Variants in MEP1B observed in about 807,000 individuals in gnomAD.
The protein encoded by MEP1B is N-benzoyl-L-tyrosyl-P-amino-benzoic acid hydrolase subunit beta.
In MEP1B, 80 loss-of-function variants were observed where a neutral mutation model predicts 84.6. The observed-to-expected ratio is 0.95, with a 90% CI of 0.79 to 1.14. The LOEUF (loss-of-function observed/expected upper bound fraction) is 1.14. Among genes scored for constraint, MEP1B ranks in the 50% most tolerant of loss-of-function variants. The probability of loss-of-function intolerance (pLI) is 0.00; values close to 1 mark genes in which losing one functional copy is unlikely to be tolerated. For synonymous variants in MEP1B, 273 were observed against 288.1 expected (o/e 0.95, Z 0.53); for missense variants, 766 against 855.1 (o/e 0.90, Z 1.30).
At chr18:32,217,660 T>C (rs753328243) in intron 13 of MEP1B, 101 bp from the exon 14 acceptor site, 21 of 948,330 alleles carry the variant, frequency 2.2e-5, no homozygotes, top group Non-Finnish European at 2.8e-5. Flanking sequence ...CAATGACCTA[T>C]TGGTGATCAA....
chr18:32,203,235 A>G (rs1435597926), intron 6 of MEP1B: 4 of 424,608 alleles, frequency 9.4e-6, no homozygotes, highest in Non-Finnish European at 1.3e-5. Flanking sequence ...ATGGGATTGC[A>G]TGCCATCAGA....
chr18:32,196,475 C>T lies in MEP1B; in HGVS notation c.250+990C>T, dbSNP rs963976165. The T allele has an allele frequency of 1.6e-5, 11 of 694,310 alleles. No individual in the cohort carries two copies. The highest frequency in any genetic ancestry group is 8.9e-5 in the South Asian group (6 of 67,438). 43.0% of individuals were successfully genotyped at this position (694,310 alleles called of 1,614,324 possible). A position where few individuals can be genotyped will look rare whatever the true frequency, so the allele number is the denominator to read the frequency against. ...TTCCTTCTGGTGCTGCAGGGCCGAC[C>T]GGAAACTCAGCTTTGCTCTCATAGA... On this transcript the variant is annotated intron_variant, in intron 5 of 14. Transcript: ENST00000269202. The surrounding 1 kb of genome is among the most constrained non-coding windows in gnomAD (Gnocchi z 4.4).
In MEP1B at chr18:32,195,494, G is replaced by C; in HGVS notation, c.250+9G>C. 4 of 1,535,252 alleles carry C rather than the reference G, an allele frequency of 2.6e-6. No individual in the cohort carries two copies. Among genetic ancestry groups the C allele is most frequent in the Non-Finnish European group, 2.7e-6 (3 of 1,111,802 alleles). On this transcript the variant is annotated intron_variant, in intron 5 of 14. Coordinates refer to ENST00000269202, the MANE Select transcript of MEP1B (RefSeq NM_005925.3). ...TCTAGAAGATAGCTTGGGTTAGTATGCACCTTGAAGTATCCATAACTAATG... is the reference window on the plus strand; with the variant it reads ...TCTAGAAGATAGCTTGGGTTAGTATCCACCTTGAAGTATCCATAACTAATG...
At chr18:32,215,917 G>A (rs903547433) in intron 12 of MEP1B, among the ~76,000 whole-genome samples, 11 of 136,680 alleles carry the variant, frequency 8.0e-5, no homozygotes, top group Non-Finnish European at 1.5e-4. Context: ...TAAATGACTG[G>A]AAACGTCTGC....
intron 5 of MEP1B, among the ~76,000 whole-genome samples, chr18:32,200,414 A>G (rs557158248): frequency 6.6e-6 from 1 of 152,180 alleles, no homozygotes; most frequent in African/African-American, 2.4e-5. Flanking sequence ...CAATTATGTG[A>G]TTTTGATTAT....
Position 32,214,647 on chromosome 18 carries a change from A to G in MEP1B, c.1580-435A>G, listed in dbSNP as rs143899570. Among the ~76,000 whole-genome samples, 12 of 152,360 alleles carry G rather than the reference A, an allele frequency of 7.9e-5. No individual in the cohort carries two copies. The East Asian group carries it at 2.3e-3, about 29-fold the overall frequency. Reference sequence around the variant, plus strand: ...AGGTGAATAATTCAGTTAATAAGATAAATCATCCTATGCTGATATTAAAAA... The same window carrying G: ...AGGTGAATAATTCAGTTAATAAGATGAATCATCCTATGCTGATATTAAAAA... On this transcript the variant is annotated intron_variant, in intron 11 of 14. Transcript: ENST00000269202.
rs1336010223 is a variant in MEP1B, at chr18:32,215,251, G to A, written c.1749G>A (p.Leu583=). ...FIKGDDVYIL[L]TVEDISHLNS... ...AAGGAGATGATGTTTATATCCTACT[G>A]ACAGTGGAAGGTATGTCAATAAAAA... The change falls in exon 12 of 15, where the codon CTG becomes CTA. Residue 583 remains leucine (L), a synonymous_variant. Coordinates refer to ENST00000269202, the MANE Select transcript of MEP1B (RefSeq NM_005925.3). 6.3e-7 allele frequency: 1 copy of A among 1,578,290 alleles called. No homozygotes were observed. Among genetic ancestry groups the A allele is most frequent in the Non-Finnish European group, 8.6e-7 (1 of 1,165,204 alleles).
At chr18:32,192,119 C>T (rs912372751) in intron 2 of MEP1B, among the ~76,000 whole-genome samples, 1 of 151,966 alleles carries the variant, frequency 6.6e-6, no homozygotes, top group South Asian at 2.1e-4. Context: ...TATTTTGTGT[C>T]AAATCAGATG....
intron 10 of MEP1B, among the ~76,000 whole-genome samples, 185 bp downstream of exon 10, chr18:32,210,901 T>C (rs2041019919): frequency 6.6e-6 from 1 of 152,226 alleles, no homozygotes; most frequent in South Asian, 2.1e-4. Context: ...GAGTGCTCTG[T>C]TATGTAACAC....
At chr18:32,216,290 T>C (rs527557235) in intron 12 of MEP1B, among the ~76,000 whole-genome samples, 3 of 152,258 alleles carry the variant, frequency 2.0e-5, no homozygotes, top group Admixed American at 2.0e-4. Flanking sequence ...TATTCAGAAA[T>C]AACTTCTGTT....
In MEP1B at chr18:32,217,930, A is replaced by G; in HGVS notation, c.2056A>G (p.Met686Val). ...YCTRKKYRER[M>V]SSNRPNLTPQ... is the part of the protein sequence containing the mutation. ...CACCAGGAAGAAATATCGTGAAAGG[A>G]TGAGCTCAAATCGACCAAATTTGAC... Residue 686 changes from methionine (M) to valine (V), a missense_variant, in exon 14 of 15, where the codon ATG (methionine) becomes GTG (valine). Physicochemically the swap from Met to Val is conservative, Grantham distance 21 (BLOSUM62 1). Coordinates refer to ENST00000269202, the MANE Select transcript of MEP1B (RefSeq NM_005925.3). 1 of 1,613,946 alleles carries G rather than the reference A, an allele frequency of 6.2e-7. No homozygotes were observed. Among genetic ancestry groups the G allele is most frequent in the Non-Finnish European group, 8.5e-7 (1 of 1,179,864 alleles).
In MEP1B at chr18:32,196,312, C is replaced by A. The variant is rs2040853640; in HGVS notation, c.250+827C>A. On this transcript the variant is annotated intron_variant, in intron 5 of 14. Transcript: ENST00000269202. This position sits in a 1 kb window ranked among gnomAD's most constrained non-coding sequence, Gnocchi z 4.4. ...GAGGGGCGGGATGTTGTTGCTGGAG[C>A]CGTTGCGGTAGATCTCATGCATGGC... 1 of 704,614 alleles carries A rather than the reference C, an allele frequency of 1.4e-6. No homozygotes were observed. Among genetic ancestry groups the A allele is most frequent in the African/African-American group, 1.7e-5 (1 of 57,224 alleles). 43.6% of individuals were successfully genotyped at this position (704,614 alleles called of 1,614,324 possible).
At chr18:32,210,304 G>C (rs958017442) in intron 9 of MEP1B, among the ~76,000 whole-genome samples, 197 bp from the exon 10 acceptor site, 3 of 152,236 alleles carry the variant, frequency 2.0e-5, no homozygotes, top group African/African-American at 7.2e-5. Context: ...AGAGAGGTTT[G>C]AGTTTTATAC....
chr18:32,208,088 A>C, intron 8 of MEP1B, 31 bp from the exon 9 acceptor site: 1 of 1,608,454 alleles, frequency 6.2e-7, no homozygotes, highest in South Asian at 1.1e-5. Context: ...ATGTTGTATG[A>C]GTGTCAATAA....
intron 5 of MEP1B, among the ~76,000 whole-genome samples, chr18:32,199,668 G>GTTCGTTCCTTCC (rs764626455): frequency 2.1e-4 from 27 of 126,930 alleles, no homozygotes; most frequent in Non-Finnish European, 2.9e-4. Context: ...CCTTTCGTTC[G>GTTCGTTCCTTCC]TTCCTTCCTT....
chr18:32,190,822 C>T (rs190584108), intron 1 of MEP1B, among the ~76,000 whole-genome samples: 1 of 152,140 alleles, frequency 6.6e-6, no homozygotes, highest in African/African-American at 2.4e-5. Flanking sequence ...TGAGTGTATG[C>T]CTGTGTGTGG....
At chr18:32,194,810 T>C (rs1233800308) in intron 4 of MEP1B, among the ~76,000 whole-genome samples, 1 of 152,110 alleles carries the variant, frequency 6.6e-6, no homozygotes, top group Non-Finnish European at 1.5e-5. Flanking sequence ...CCCTATTGCA[T>C]TCATCCTGCT....
At chr18:32,206,511 G>T (rs2040966540) in intron 7 of MEP1B, among the ~76,000 whole-genome samples, 1 of 151,080 alleles carries the variant, frequency 6.6e-6, no homozygotes, top group African/African-American at 2.4e-5. Flanking sequence ...CTCACTGCAG[G>T]CTCGACTTCC....
At chr18:32,199,175 T>C (rs777698163) in intron 5 of MEP1B, among the ~76,000 whole-genome samples, 2 of 152,232 alleles carry the variant, frequency 1.3e-5, no homozygotes, top group Non-Finnish European at 2.9e-5. Context: ...ATTCTTGGTA[T>C]ATGACCTGGT....
Sources: allele counts gnomAD v4.1 joint callset (sites outside exome capture counted in the v4.1 genomes callset), GRCh38; gene constraint gnomAD v4.1.1; non-coding constraint Gnocchi (gnomAD v3.1); transcripts MANE v1.5; gene names NCBI Gene and HGNC (gene_info 2026-07-23, HGNC 2026-07-21).